Variants in HTRA1 observed in about 807,000 individuals in gnomAD.
The protein encoded by HTRA1 is serine protease HTRA1.
In HTRA1, 26 loss-of-function variants were observed where a neutral mutation model predicts 49.7. The observed-to-expected ratio is 0.52, with a 90% confidence interval of 0.38 to 0.73. The LOEUF is 0.73. HTRA1 is among the 30% of genes least tolerant of loss of function. The pLI, the probability that HTRA1 is intolerant of heterozygous loss-of-function variation, is 0.00. For synonymous variants in HTRA1, 291 were observed against 286.9 expected (o/e 1.01, Z -0.14); for missense variants, 561 against 667.2 (o/e 0.84, Z 1.75).
chr10:122,497,829 G>A (rs1404360386), intron 3 of HTRA1, among the ~76,000 whole-genome samples: 1 of 152,194 alleles, frequency 6.6e-6, no homozygotes, highest in African/African-American at 2.4e-5. Context: ...ACATGCTGTT[G>A]TAGCAGCATC....
At chr10:122,498,571 GGTT>G (rs2097499678) in intron 3 of HTRA1, among the ~76,000 whole-genome samples, 1 of 152,044 alleles carries the variant, frequency 6.6e-6, no homozygotes, top group Non-Finnish European at 1.5e-5. Flanking sequence ...TGAACGGAAG[GGTT>G]CTGAAGCTGT....
chr10:122,491,534 G>A (rs184436384), intron 3 of HTRA1, among the ~76,000 whole-genome samples: 2 of 152,352 alleles, frequency 1.3e-5, no homozygotes, highest in African/African-American at 2.4e-5. Context: ...CCTGGACGCC[G>A]CCCCCACTGC....
intron 7 of HTRA1, 101 bp from the exon 8 acceptor site, chr10:122,511,869 T>C (rs769342439): frequency 1.0e-3 from 822 of 825,364 alleles, no homozygotes; most frequent in Non-Finnish European, 1.6e-3. Flanking sequence ...GAATTTTACC[T>C]TAGACCTAAG....
intron 5 of HTRA1, 21 bp downstream of exon 5, chr10:122,507,423 G>A (rs1221567679): frequency 8.8e-6 from 14 of 1,584,186 alleles, no homozygotes; most frequent in African/African-American, 1.3e-5. Flanking sequence ...TTAAACCTAT[G>A]TTAGGTCATT....
intron 1 of HTRA1, among the ~76,000 whole-genome samples, chr10:122,483,494 A>G (rs1471776381): frequency 6.6e-6 from 1 of 152,246 alleles, no homozygotes. Context: ...CTGCTTAAAA[A>G]TGAAATCATG....
intron 5 of HTRA1, 72 bp downstream of exon 5, chr10:122,507,474 TGTTG>T: frequency 8.7e-7 from 1 of 1,151,820 alleles, no homozygotes; most frequent in Non-Finnish European, 1.3e-6. Context: ...TTTGTTTGTT[TGTTG>T]TTTGTTTGTT....
chr10:122,465,511 C>T (rs2133907659), intron 1 of HTRA1, among the ~76,000 whole-genome samples: 1 of 152,282 alleles, frequency 6.6e-6, no homozygotes, highest in Non-Finnish European at 1.5e-5. Flanking sequence ...GGATGGAGAG[C>T]CTCGTTCATA....
chr10:122,494,172 C>T lies in HTRA1; in HGVS notation c.777+4546C>T, dbSNP rs541838585. On this transcript the variant is annotated intron_variant, in intron 3 of 8. Transcript: ENST00000368984. This position sits in a 1 kb window ranked among gnomAD's most constrained non-coding sequence, Gnocchi z 4.0. ...TCGTCTATTTATCACAATTTAGAGT[C>T]GCCTCACTCATTTGTCAAATGAAGT... Among the ~76,000 whole-genome samples the T allele has an allele frequency of 6.6e-6, 1 of 152,262 alleles. No homozygotes were observed. The highest frequency in any genetic ancestry group is 2.1e-4 in the South Asian group (1 of 4,820).
intron 1 of HTRA1, among the ~76,000 whole-genome samples, chr10:122,473,952 A>G (rs891187452): frequency 6.6e-6 from 1 of 152,110 alleles, no homozygotes; most frequent in African/African-American, 2.4e-5. Flanking sequence ...ATACAGGGAG[A>G]CCAGACGTCT....
chr10:122,461,966 C>G lies in HTRA1; in HGVS notation c.314C>G (p.Ala105Gly). 1.3e-6 allele frequency: 2 copies of G among 1,503,760 alleles called. No individual in the cohort carries two copies. The highest frequency in any genetic ancestry group is 1.8e-6 in the Non-Finnish European group (2 of 1,133,764). 93.2% of individuals were successfully genotyped at this position (1,503,760 alleles called of 1,614,324 possible). A position where few individuals can be genotyped will look rare whatever the true frequency, so the allele number is the denominator to read the frequency against. The change falls in exon 1 of 9, where the codon GCG (alanine) becomes GGG (glycine). Residue 105 changes from alanine (A) to glycine (G), a missense_variant. Ala to Gly is a moderately conservative substitution (Grantham distance 60, BLOSUM62 0). This residue lies in a region of HTRA1 where 271 missense variants were observed against 410.0 expected (regional missense o/e 0.66). Transcript: ENST00000368984. Reference protein sequence around the residue: ...VPASATVRRRAQAGLCVCASS... With the variant: ...VPASATVRRRGQAGLCVCASS... ...GCCTCGGCCACGGTGCGGCGGCGCG[C>G]GCAGGCCGGCCTCTGTGTGTGCGCC... is the stretch of plus-strand genomic sequence containing the variant.
chr10:122,489,938 C>T (rs1030630321), intron 3 of HTRA1, among the ~76,000 whole-genome samples: 2 of 152,104 alleles, frequency 1.3e-5, no homozygotes, highest in African/African-American at 4.8e-5. Context: ...TTCCCATTCC[C>T]AATCCTGTGG....
rs1014084686 is a variant in HTRA1, at chr10:122,475,195, G to C, written c.472+13071G>C. ...ACTTTTCCAGGCACCATCTGCTGCAGTCTTGGCCCAGCCCCTGCAACAGTT... is the reference window on the plus strand; with the variant it reads ...ACTTTTCCAGGCACCATCTGCTGCACTCTTGGCCCAGCCCCTGCAACAGTT... On this transcript the variant is annotated intron_variant, in intron 1 of 8. Transcript: ENST00000368984. Among the ~76,000 whole-genome samples, 7 of 152,222 alleles carry C rather than the reference G, an allele frequency of 4.6e-5. No homozygotes were observed. In the South Asian group the frequency reaches 1.0e-3, roughly 22 times the overall value.
chr10:122,468,973 G>A (rs1445594292), intron 1 of HTRA1, among the ~76,000 whole-genome samples: 6 of 152,152 alleles, frequency 3.9e-5, no homozygotes, highest in Non-Finnish European at 8.8e-5. Flanking sequence ...GAATAAGCAC[G>A]TTTCATAAAA....
rs541582341 is a variant in HTRA1, at chr10:122,501,961, G to GT, written c.778-4697dup. 3.9e-4 allele frequency among the ~76,000 whole-genome samples: 29 copies of GT among 73,534 alleles called. 3 individuals are homozygous for GT. Among genetic ancestry groups the GT allele is most frequent in the African/African-American group, 1.3e-3 (22 of 16,926 alleles). The allele number at this position is 73,534 out of a possible 152,430, so 48.2% of individuals were successfully genotyped here. On this transcript the variant is annotated intron_variant, in intron 3 of 8. Coordinates refer to ENST00000368984, the MANE Select transcript of HTRA1 (RefSeq NM_002775.5). Reference sequence around the variant, plus strand: ...ATCTACTCTACATACTCCATTTGGAGTTTTTTTTTTTTTTTTTTTTTTTTT... The same window carrying GT: ...ATCTACTCTACATACTCCATTTGGAGTTTTTTTTTTTTTTTTTTTTTTTTTT...
chr10:122,488,879 C>T (rs2097494361), intron 1 of HTRA1, 23 bp from the exon 2 acceptor site: 3 of 1,578,286 alleles, frequency 1.9e-6, no homozygotes, highest in Non-Finnish European at 1.7e-6. Context: ...CATTAAGTAT[C>T]TATTCTTTGC....
intron 3 of HTRA1, among the ~76,000 whole-genome samples, chr10:122,492,709 C>A (rs536852515): frequency 6.6e-6 from 1 of 152,324 alleles, no homozygotes; most frequent in African/African-American, 2.4e-5. Context: ...CCACTTGCCA[C>A]TCACCTACCC....
At chr10:122,509,725 G>A (rs1352586046) in intron 6 of HTRA1, among the ~76,000 whole-genome samples, 1 of 152,186 alleles carries the variant, frequency 6.6e-6, no homozygotes, top group Non-Finnish European at 1.5e-5. Context: ...ACCGGTTAAG[G>A]GGCTCTCCCA....
chr10:122,487,000 T>A (rs2097493403), intron 1 of HTRA1, among the ~76,000 whole-genome samples: 2 of 152,012 alleles, frequency 1.3e-5, no homozygotes, highest in Admixed American at 6.6e-5. Context: ...TATGCATGTG[T>A]GTTAGGGGCA....
In HTRA1 at chr10:122,490,474, G is replaced by A. The variant is rs576261619; in HGVS notation, c.777+848G>A. On this transcript the variant is annotated intron_variant, in intron 3 of 8. Transcript: ENST00000368984. This position sits in a 1 kb window ranked among gnomAD's most constrained non-coding sequence, Gnocchi z 4.2. ...ACTGACTCATCAAAAACCCCCACTC[G>A]ACACGTCGATGAGAGAGGTTTTGTT... Among the ~76,000 whole-genome samples, 16 of 152,282 alleles carry A rather than the reference G, an allele frequency of 1.1e-4. No individual in the cohort carries two copies. The highest frequency in any genetic ancestry group is 2.6e-4 in the Admixed American group (4 of 15,288).
Sources: gnomAD v4.1 joint callset for allele counts (sites outside exome capture counted in the v4.1 genomes callset) on GRCh38, gnomAD v4.1.1 for gene constraint, gnomAD v4.1.1 regional missense constraint, Gnocchi (gnomAD v3.1) non-coding constraint, MANE v1.5 for transcripts, NCBI Gene and HGNC (gene_info 2026-07-23, HGNC 2026-07-21) for gene names.